The following AMD1 variants were observed in gnomAD, a reference collection of about 807,000 sequenced individuals.
AMD1 encodes adenosylmethionine decarboxylase 1.
A neutral mutation model predicts 40.2 loss-of-function variants in AMD1; 11 were observed. The ratio of observed to expected loss-of-function variants is 0.27; its 90% CI spans 0.17 to 0.45. The LOEUF is 0.45. AMD1 is among the 20% of genes least tolerant of loss of function. AMD1 has a pLI of 1.00. For synonymous variants in AMD1, 121 were observed against 130.8 expected, an observed-to-expected ratio of 0.93 and a Z score of 0.51; for missense variants, 257 against 410.2, an observed-to-expected ratio of 0.63 and a Z score of 3.23.
At chr6:110,869,736 C>A in the AMD1 span, among the ~76,000 whole-genome samples, 1 of 151,618 alleles carries the variant, frequency 6.6e-6, no homozygotes, top group Non-Finnish European at 1.5e-5. Flanking sequence ...CTCAAACTCC[C>A]GACCTCAGGT....
At chr6:110,854,920 G>A in the AMD1 span, among the ~76,000 whole-genome samples, 1 of 152,058 alleles carries the variant, frequency 6.6e-6, no homozygotes, top group Non-Finnish European at 1.5e-5. Flanking sequence ...ATTTTGCTGA[G>A]TTGAAAACTA....
the AMD1 span, among the ~76,000 whole-genome samples, chr6:110,863,105 C>T: frequency 2.0e-5 from 3 of 151,944 alleles, no homozygotes; most frequent in Admixed American, 6.6e-5. Flanking sequence ...CCACCACGCC[C>T]GGCTAATTTT....
At chr6:110,848,565 G>T in the AMD1 span, 1 of 417,276 alleles carries the variant, frequency 2.4e-6, no homozygotes, top group Non-Finnish European at 3.9e-6. Flanking sequence ...GTATGTTTTT[G>T]TTTAACTTGT....
At position 110,894,773 on chromosome 6, in the gene AMD1, G is replaced by A. The variant is rs1269300314; in HGVS notation, c.*1157G>A. ...GCAGAATCAATGTCTTTTCCATCTC[G>A]TGACTTAAAGTTCTGTGACTGTGAT... On this transcript the variant is annotated 3_prime_UTR_variant, in exon 9 of 9. Coordinates refer to ENST00000368885, the MANE Select transcript of AMD1 (RefSeq NM_001634.6). 1.3e-5 allele frequency: 2 copies of A among 151,938 alleles called. No individual in the cohort carries two copies. The highest frequency in any genetic ancestry group is 2.9e-5 in the Non-Finnish European group (2 of 67,992). 9.4% of individuals were successfully genotyped at this position (151,938 alleles called of 1,614,324 possible). A position where few individuals can be genotyped will look rare whatever the true frequency, so the allele number is the denominator to read the frequency against.
At chr6:110,814,868 T>A in the AMD1 span, 1 of 1,104,410 alleles carries the variant, frequency 9.1e-7, no homozygotes, top group Non-Finnish European at 1.3e-6. Context: ...CCCCTCGGAG[T>A]CGGTGTCCGG....
chr6:110,826,986 C>T, the AMD1 span, among the ~76,000 whole-genome samples: 7 of 151,790 alleles, frequency 4.6e-5, no homozygotes, highest in Non-Finnish European at 1.0e-4. Flanking sequence ...GCCACTGCAC[C>T]AGGCCCAAAC....
chr6:110,871,648 G>A (rs979837991), upstream of AMD1, among the ~76,000 whole-genome samples: 2 of 152,202 alleles, frequency 1.3e-5, no homozygotes, highest in African/African-American at 4.8e-5. Context: ...TTGAGTTGAA[G>A]ACAGCTGAGT....
the AMD1 span, among the ~76,000 whole-genome samples, chr6:110,869,034 G>A: frequency 1.3e-5 from 2 of 151,408 alleles, no homozygotes; most frequent in South Asian, 4.2e-4. Context: ...ACTCCAGCCT[G>A]GGCAATAAGA....
intron 1 of AMD1, among the ~76,000 whole-genome samples, chr6:110,880,775 T>A (rs549148709): frequency 2.0e-5 from 3 of 152,106 alleles, no homozygotes; most frequent in Non-Finnish European, 2.9e-5. Context: ...TGGGTTCAAG[T>A]GATTCTCCTG....
chr6:110,858,988 G>T, the AMD1 span: 6 of 1,141,874 alleles, frequency 5.3e-6, no homozygotes, highest in African/African-American at 8.9e-5. Context: ...TACACGCAGG[G>T]CGCCAAGCAA....
chr6:110,857,567 A>G, the AMD1 span, among the ~76,000 whole-genome samples: 1 of 147,078 alleles, frequency 6.8e-6, no homozygotes, highest in African/African-American at 2.5e-5. Context: ...TGGTATATAT[A>G]TATAATATGG....
chr6:110,827,227 A>C, the AMD1 span, among the ~76,000 whole-genome samples: 1 of 151,998 alleles, frequency 6.6e-6, no homozygotes, highest in Non-Finnish European at 1.5e-5. Flanking sequence ...AAAGCCATTC[A>C]GTGGGAATTG....
intron 1 of AMD1, among the ~76,000 whole-genome samples, chr6:110,882,555 A>G (rs1054288637): frequency 6.6e-6 from 1 of 152,062 alleles, no homozygotes; most frequent in African/African-American, 2.4e-5. Context: ...AGAGTTTTTC[A>G]CCTCTTTTAT....
the AMD1 span, among the ~76,000 whole-genome samples, chr6:110,820,491 C>T: frequency 3.3e-5 from 5 of 152,108 alleles, no homozygotes; most frequent in Admixed American, 3.3e-4. Flanking sequence ...CCTGCCTTGG[C>T]CTCCCAAAGT....
At chr6:110,836,012 CAA>C in the AMD1 span, among the ~76,000 whole-genome samples, 315 of 60,722 alleles carry the variant, frequency 5.2e-3, no homozygotes, top group African/African-American at 0.016. Context: ...GACCTTGACT[CAA>C]AAAAAAAAAA....
At chr6:110,855,374 T>C in the AMD1 span, among the ~76,000 whole-genome samples, 1 of 152,148 alleles carries the variant, frequency 6.6e-6, no homozygotes, top group Non-Finnish European at 1.5e-5. Context: ...CCAAAACAAT[T>C]AGAAAAACAT....
At chr6:110,866,808 C>A in the AMD1 span, among the ~76,000 whole-genome samples, 1,958 of 151,804 alleles carry the variant, frequency 0.013, 39 homozygotes, top group African/African-American at 0.045. Flanking sequence ...TGAGCTCCAA[C>A]AACACTTTCT....
At chr6:110,817,608 C>CA in the AMD1 span, among the ~76,000 whole-genome samples, 12 of 149,346 alleles carry the variant, frequency 8.0e-5, no homozygotes, top group South Asian at 8.5e-4. Context: ...GACCCCGACT[C>CA]AAAAAAAAAT....
chr6:110,837,713 G>GAAAAAAA, the AMD1 span, among the ~76,000 whole-genome samples: 1 of 19,910 alleles, frequency 5.0e-5, no homozygotes, highest in African/African-American at 1.9e-4. Flanking sequence ...CTCCATCTCA[G>GAAAAAAA]AAAAAAAAAA....
Sources: gnomAD v4.1 joint callset for allele counts (sites outside exome capture counted in the v4.1 genomes callset) on GRCh38, gnomAD v4.1.1 for gene constraint, MANE v1.5 for transcripts, NCBI Gene and HGNC (gene_info 2026-07-23, HGNC 2026-07-21) for gene names.